Variants in ADCY2 observed in about 807,000 individuals in gnomAD.
The protein encoded by ADCY2 is adenylate cyclase type 2.
A neutral mutation model predicts 125.2 loss-of-function variants in ADCY2; 31 were observed. The ratio of observed to expected loss-of-function variants is 0.25; its 90% confidence interval spans 0.19 to 0.33. The LOEUF (loss-of-function observed/expected upper bound fraction) is 0.33, where lower values mean the gene tolerates loss of function less well. Among genes scored for constraint, ADCY2 ranks in the 10% least tolerant of loss-of-function variants. ADCY2 has a pLI of 1.00. For missense variants in ADCY2, 904 were observed against 1,418.2 expected (o/e 0.64, Z 5.82); for synonymous variants, 512 against 548.4 (o/e 0.93, Z 0.93).
Position 7,802,653 on chromosome 5 carries a change from G to A in ADCY2, c.2775+289G>A, listed in dbSNP as rs183005571. 1.5e-4 allele frequency among the ~76,000 whole-genome samples: 23 copies of A among 152,232 alleles called. No homozygotes were observed. In the South Asian group the frequency reaches 2.9e-3, roughly 19 times the overall value. On this transcript the variant is annotated intron_variant, in intron 21 of 24. Transcript: ENST00000338316. The surrounding 1 kb of genome is among the most constrained non-coding windows in gnomAD (Gnocchi z 4.6). ...GGATTCTTTACAAAGGCTTGAATTCGCGGTAAAATACTTGCCCATCCCTTT... is the reference window on the plus strand; with the variant it reads ...GGATTCTTTACAAAGGCTTGAATTCACGGTAAAATACTTGCCCATCCCTTT...
intron 2 of ADCY2, among the ~76,000 whole-genome samples, chr5:7,511,831 G>A (rs1476747826): frequency 6.6e-6 from 1 of 151,932 alleles, no homozygotes; most frequent in African/African-American, 2.4e-5. Flanking sequence ...GATGGGAGTT[G>A]GTAGGATGGG....
chr5:7,629,820 C>A (rs937635195), intron 4 of ADCY2, among the ~76,000 whole-genome samples: 1 of 152,118 alleles, frequency 6.6e-6, no homozygotes, highest in African/African-American at 2.4e-5. Context: ...ATGTAATAGG[C>A]TCTCAGGAAT....
intron 15 of ADCY2, among the ~76,000 whole-genome samples, chr5:7,754,687 T>A (rs1742931463): frequency 6.7e-6 from 1 of 148,514 alleles, no homozygotes; most frequent in African/African-American, 2.5e-5. Flanking sequence ...GGTGCAAAAG[T>A]AGTTGCGGTT....
chr5:7,405,704 A>G (rs1262204328), intron 1 of ADCY2, among the ~76,000 whole-genome samples: 1 of 152,226 alleles, frequency 6.6e-6, no homozygotes, highest in East Asian at 1.9e-4. Context: ...TCAGTGTAGG[A>G]GAGAATTACA....
intron 19 of ADCY2, among the ~76,000 whole-genome samples, chr5:7,787,827 C>T (rs1322312685): frequency 6.6e-6 from 1 of 152,138 alleles, no homozygotes; most frequent in Non-Finnish European, 1.5e-5. Context: ...TATGCAATAA[C>T]AATGGCTCTG....
intron 3 of ADCY2, among the ~76,000 whole-genome samples, chr5:7,619,740 G>T (rs769674806): frequency 4.4e-4 from 67 of 152,190 alleles, no homozygotes; most frequent in Non-Finnish European, 6.9e-4. Flanking sequence ...ACCCTCCTCT[G>T]CAGAAAATAG....
intron 2 of ADCY2, among the ~76,000 whole-genome samples, chr5:7,504,039 C>T (rs1743705519): frequency 6.6e-6 from 1 of 152,052 alleles, no homozygotes; most frequent in Non-Finnish European, 1.5e-5. Flanking sequence ...GGCTGTGCTC[C>T]TGATGTAGGT....
chr5:7,709,007 A>C lies in ADCY2; in HGVS notation c.1402-204A>C, dbSNP rs1297045339. On this transcript the variant is annotated intron_variant, in intron 9 of 24. Coordinates refer to ENST00000338316, the MANE Select transcript of ADCY2 (RefSeq NM_020546.3). The surrounding 1 kb of genome is among the most constrained non-coding windows in gnomAD (Gnocchi z 4.4). The stretch of plus-strand genomic sequence containing the variant: ...TTATTTTTTTCTAAGTCTCAATTAC[A>C]TGTATGTTTTGCTAGCTGAAAAAAG... 2.0e-5 allele frequency among the ~76,000 whole-genome samples: 3 copies of C among 152,190 alleles called. No homozygotes were observed. Among genetic ancestry groups the C allele is most frequent in the Admixed American group, 6.5e-5 (1 of 15,274 alleles).
rs34431142 is a variant in ADCY2 at position 7,643,688 on chromosome 5, CT to C, written c.720+17377del. 2.6e-5 allele frequency among the ~76,000 whole-genome samples: 4 copies of C among 151,364 alleles called. No individual in the cohort carries two copies. In the East Asian group the frequency reaches 7.8e-4, roughly 29 times the overall value. On this transcript the variant is annotated intron_variant, in intron 4 of 24. Transcript: ENST00000338316. ...TACTTCCAAATCTAAACATAGTTTGCTTTTTGGAGAAATAAATATAGTCCAT... is the reference window on the plus strand; with the variant it reads ...TACTTCCAAATCTAAACATAGTTTGCTTTTGGAGAAATAAATATAGTCCAT...
intron 3 of ADCY2, among the ~76,000 whole-genome samples, chr5:7,575,598 C>T (rs1441256090): frequency 6.6e-6 from 1 of 151,654 alleles, no homozygotes; most frequent in Admixed American, 6.6e-5. Context: ...TTAGGACTTC[C>T]TCGGTCCTAA....
At chr5:7,820,784 C>T in intron 24 of ADCY2, 95 bp downstream of exon 24, 1 of 1,372,632 alleles carries the variant, frequency 7.3e-7, no homozygotes, top group East Asian at 2.7e-5. Context: ...TATATTAAAA[C>T]AAAGGAAAAA....
chr5:7,557,001 C>CTAAAAT (rs1735526501), intron 3 of ADCY2, among the ~76,000 whole-genome samples: 1 of 151,738 alleles, frequency 6.6e-6, no homozygotes, highest in South Asian at 2.1e-4. Context: ...TTTTAGTTCA[C>CTAAAAT]TAAAATTAAA....
At chr5:7,469,163 AG>A (rs916272600) in intron 2 of ADCY2, among the ~76,000 whole-genome samples, 30 of 152,166 alleles carry the variant, frequency 2.0e-4, no homozygotes, top group African/African-American at 7.0e-4. Flanking sequence ...TTTATAACCC[AG>A]GCAAAAGACC....
At chr5:7,768,805 C>T (rs1049550157) in intron 17 of ADCY2, among the ~76,000 whole-genome samples, 2 of 152,166 alleles carry the variant, frequency 1.3e-5, no homozygotes, top group African/African-American at 4.8e-5. Context: ...ACTATCTTTC[C>T]AATCATGAGG....
Position 7,727,158 on chromosome 5 carries a change from C to G in ADCY2, c.1774-6C>G, listed in dbSNP as rs1046514051. ...TGTCACTCACAGGTTCCTTTCTCCC[C>G]CTCAGTACCGGGCCACGGCACTGCC... On this transcript the variant is annotated splice_polypyrimidine_tract_variant and splice_region_variant and intron_variant, in intron 13 of 24. Coordinates refer to ENST00000338316, the MANE Select transcript of ADCY2 (RefSeq NM_020546.3). 2 of 1,611,708 alleles carry G rather than the reference C, an allele frequency of 1.2e-6. No individual in the cohort carries two copies. Among genetic ancestry groups the G allele is most frequent in the Non-Finnish European group, 1.7e-6 (2 of 1,178,380 alleles).
At chr5:7,472,734 G>T (rs1015170374) in intron 2 of ADCY2, among the ~76,000 whole-genome samples, 1 of 151,974 alleles carries the variant, frequency 6.6e-6, no homozygotes, top group Non-Finnish European at 1.5e-5. Context: ...ATTCTGCTTG[G>T]TTTGGGTTTT....
chr5:7,589,813 A>G (rs1736790060), intron 3 of ADCY2, among the ~76,000 whole-genome samples: 1 of 152,146 alleles, frequency 6.6e-6, no homozygotes, highest in South Asian at 2.1e-4. Context: ...ACTTTTCATT[A>G]TTTGTGCATC....
chr5:7,536,601 C>T (rs1402207176), intron 3 of ADCY2, among the ~76,000 whole-genome samples: 2 of 152,226 alleles, frequency 1.3e-5, no homozygotes, highest in Non-Finnish European at 2.9e-5. Context: ...AGTTTCCCAA[C>T]ATTTTTAGTT....
intron 3 of ADCY2, among the ~76,000 whole-genome samples, chr5:7,608,327 A>G (rs1341544134): frequency 6.6e-6 from 1 of 152,182 alleles, no homozygotes; most frequent in Non-Finnish European, 1.5e-5. Flanking sequence ...CACACCTGTA[A>G]TCCCAGCACT....
Sources: allele counts gnomAD v4.1 joint callset (sites outside exome capture counted in the v4.1 genomes callset), GRCh38; gene constraint gnomAD v4.1.1; non-coding constraint Gnocchi (gnomAD v3.1); transcripts MANE v1.5; gene names NCBI Gene and HGNC (gene_info 2026-07-23, HGNC 2026-07-21).